GATAD1: variants seen among roughly 807,000 people sequenced by gnomAD.
GATAD1 encodes the protein GATA zinc finger domain containing 1, also known as GATA zinc finger domain-containing protein 1.
Under a neutral mutation model 26.5 loss-of-function variants are expected in GATAD1, and 12 were observed. The ratio of observed to expected loss-of-function variants is 0.45; its 90% CI spans 0.29 to 0.73. The LOEUF (loss-of-function observed/expected upper bound fraction) is 0.73. Among genes scored for constraint, GATAD1 ranks in the 30% least tolerant of loss-of-function variants. GATAD1 has a pLI of 0.10. For missense variants in GATAD1, 266 were observed against 342.1 expected (o/e 0.78, Z 1.75); for synonymous variants, 129 against 133.1 (o/e 0.97, Z 0.21).
chr7:92,461,530 T>C (rs1789922245), downstream of GATAD1: 1 of 152,258 alleles, frequency 6.6e-6, no homozygotes, highest in Non-Finnish European at 1.5e-5. Flanking sequence ...AACTACTGTT[T>C]CTCATTATAA....
At chr7:92,494,741 CTTCTT>C in the GATAD1 span, 1 of 639,360 alleles carries the variant, frequency 1.6e-6, no homozygotes, top group South Asian at 3.9e-5. Flanking sequence ...TATTTATATA[CTTCTT>C]TTAATTTTTA....
chr7:92,453,883 G>A (rs1585170026), intron 3 of GATAD1, among the ~76,000 whole-genome samples: 1 of 152,268 alleles, frequency 6.6e-6, no homozygotes, highest in East Asian at 1.9e-4. Flanking sequence ...GGGATAGTAC[G>A]GAGCACAGAG....
At chr7:92,470,941 C>G in the GATAD1 span, 2 of 167,296 alleles carry the variant, frequency 1.2e-5, no homozygotes, top group Non-Finnish European at 2.9e-5. Context: ...TTGAGTGTTT[C>G]ATTCATTTTC....
At chr7:92,476,616 GTCTC>G in the GATAD1 span, among the ~76,000 whole-genome samples, 10 of 150,962 alleles carry the variant, frequency 6.6e-5, no homozygotes, top group African/African-American at 2.4e-4. Flanking sequence ...TCTCCTCTTT[GTCTC>G]TCTCTCTCTT....
At chr7:92,448,200 T>C (rs554705627) in intron 1 of GATAD1, among the ~76,000 whole-genome samples, 1 of 152,356 alleles carries the variant, frequency 6.6e-6, no homozygotes, top group African/African-American at 2.4e-5. Context: ...TGTAAAGCCC[T>C]TAAGAAAATC....
At chr7:92,486,280 T>G in the GATAD1 span, among the ~76,000 whole-genome samples, 2 of 152,238 alleles carry the variant, frequency 1.3e-5, no homozygotes, top group African/African-American at 4.8e-5. Flanking sequence ...CAATTTGTCC[T>G]TCCTGGAGGG....
At chr7:92,488,369 A>C in the GATAD1 span, among the ~76,000 whole-genome samples, 370 of 152,336 alleles carry the variant, frequency 2.4e-3, 1 homozygote, top group African/African-American at 8.6e-3. Context: ...ACATACATAC[A>C]TACTTCAAAG....
the GATAD1 span, among the ~76,000 whole-genome samples, chr7:92,491,055 C>T: frequency 2.0e-5 from 3 of 152,164 alleles, no homozygotes; most frequent in African/African-American, 4.8e-5. Context: ...ATCACAACCA[C>T]GCGCTACTTT....
chr7:92,449,235 T>G, intron 2 of GATAD1: 1 of 867,222 alleles, frequency 1.2e-6, no homozygotes, highest in Non-Finnish European at 1.4e-6. Context: ...AAACTTTTTT[T>G]TTTCATTCTT....
chr7:92,468,115 G>T, the GATAD1 span, among the ~76,000 whole-genome samples: 1 of 152,196 alleles, frequency 6.6e-6, no homozygotes, highest in South Asian at 2.1e-4. Context: ...GAAGCTGTGG[G>T]TCACAGAAGA....
At chr7:92,477,825 CA>C in the GATAD1 span, 1 of 173,020 alleles carries the variant, frequency 5.8e-6, no homozygotes, top group Non-Finnish European at 1.2e-5. Context: ...GGACGGTGAG[CA>C]AAAGCTCAGC....
At position 92,458,741 on chromosome 7, in the gene GATAD1, C is replaced by T. The variant is rs1013015200; in HGVS notation, c.*2179C>T. On this transcript the variant is annotated 3_prime_UTR_variant, in exon 5 of 5. Transcript: ENST00000287957. ...GGTAGCTACACGTACATAATTATCT[C>T]TTTATTCACAAAGGGTATAGTAAAA... The T allele has an allele frequency of 2.0e-5, 3 of 152,202 alleles. No homozygotes were observed. The highest frequency in any genetic ancestry group is 4.1e-4 in the South Asian group (2 of 4,836). 9.4% of individuals were successfully genotyped at this position (152,202 alleles called of 1,614,324 possible). A position where few individuals can be genotyped will look rare whatever the true frequency, so the allele number is the denominator to read the frequency against.
chr7:92,466,926 A>C, the GATAD1 span, among the ~76,000 whole-genome samples: 2 of 151,974 alleles, frequency 1.3e-5, no homozygotes, highest in Admixed American at 6.6e-5. Context: ...TAGGTATGCT[A>C]TCTGGTAATG....
rs1585175841 is a variant in GATAD1, at chr7:92,458,314, A to C, written c.*1752A>C. ...GCTTCACCAAAGCCGCAGAGGAAACATGTCGAGATCAGGCTTCCTGCTTGA... is the reference window on the plus strand; with the variant it reads ...GCTTCACCAAAGCCGCAGAGGAAACCTGTCGAGATCAGGCTTCCTGCTTGA... On this transcript the variant is annotated 3_prime_UTR_variant, in exon 5 of 5. Transcript: ENST00000287957. The C allele has an allele frequency of 6.6e-6, 1 of 152,212 alleles. No individual in the cohort carries two copies. The highest frequency in any genetic ancestry group is 2.4e-5 in the African/African-American group (1 of 41,450). The allele number at this position is 152,212 out of a possible 1,614,324, so 9.4% of individuals were successfully genotyped here.
the GATAD1 span, chr7:92,468,518 T>C: frequency 2.8e-6 from 1 of 351,230 alleles, no homozygotes; most frequent in Non-Finnish European, 5.1e-6. Context: ...TGCTGTGCTC[T>C]CAGGCAATAG....
intron 3 of GATAD1, 49 bp downstream of exon 3, chr7:92,450,809 T>C (rs775799869): frequency 2.2e-5 from 25 of 1,115,034 alleles, no homozygotes; most frequent in Non-Finnish European, 3.4e-5. Flanking sequence ...TAGTGGGTAA[T>C]GTGCCACTAA....
chr7:92,449,606 T>G (rs1461065316), intron 2 of GATAD1: 1 of 981,260 alleles, frequency 1.0e-6, no homozygotes, highest in Non-Finnish European at 1.2e-6. Flanking sequence ...TTTCTGAAGT[T>G]GGCCATATTT....
the GATAD1 span, chr7:92,468,620 C>T: frequency 3.0e-5 from 17 of 562,276 alleles, no homozygotes; most frequent in African/African-American, 1.5e-4. Context: ...TTGCAAGCCC[C>T]GTGTTTAAAG....
At position 92,447,679 on chromosome 7, in the gene GATAD1, T is replaced by G; in HGVS notation, c.-51T>G. ...CGACCAGGGGGCGGCCGGGCTACCG[T>G]CCGCCATTCCCGTGTCTCTGCGCCC... On this transcript the variant is annotated 5_prime_UTR_variant, in exon 1 of 5. Transcript: ENST00000287957. The G allele has an allele frequency of 7.3e-7, 1 of 1,374,214 alleles. No individual in the cohort carries two copies. Among genetic ancestry groups the G allele is most frequent in the Non-Finnish European group, 9.4e-7 (1 of 1,062,182 alleles). The allele number at this position is 1,374,214 out of a possible 1,614,324, so 85.1% of individuals were successfully genotyped here.
Sources: allele counts gnomAD v4.1 joint callset (sites outside exome capture counted in the v4.1 genomes callset), GRCh38; gene constraint gnomAD v4.1.1; transcripts MANE v1.5; gene names NCBI Gene and HGNC (gene_info 2026-07-23, HGNC 2026-07-21).